The following ZNF43 variants were observed in gnomAD, a reference collection of about 807,000 sequenced individuals.
ZNF43 encodes zinc finger protein 39-like 1 (KOX 27).
ZNF43 carries 44 observed loss-of-function variants against 68.4 expected under a neutral mutation model. That is an observed-to-expected ratio of 0.64 (90% CI 0.51 to 0.83). The LOEUF (loss-of-function observed/expected upper bound fraction) is 0.83, where lower values mean the gene tolerates loss of function less well. Among genes scored for constraint, ZNF43 ranks in the 40% least tolerant of loss-of-function variants. The pLI is 0.00. For missense variants in ZNF43, 896 were observed against 933.2 expected (o/e 0.96, Z 0.52); for synonymous variants, 308 against 307.8 (o/e 1.00, Z -0.01).
chr19:21,836,216 C>A, upstream of ZNF43: 33 of 1,454,224 alleles, frequency 2.3e-5, no homozygotes, highest in Non-Finnish European at 3.0e-5. Flanking sequence ...GCCGCCCTGT[C>A]CTCTCCTGCC....
At chr19:21,812,293 A>AT (rs1293957734) in intron 3 of ZNF43, among the ~76,000 whole-genome samples, 1 of 151,930 alleles carries the variant, frequency 6.6e-6, no homozygotes, top group Non-Finnish European at 1.5e-5. Context: ...CGCCCGGCTA[A>AT]TTTTTTATAT....
Position 21,817,945 on chromosome 19 carries a change from G to T in ZNF43, c.172C>A (p.Gln58Lys). The change falls in exon 3 of 4, where the codon CAA (glutamine) becomes AAA (lysine). Residue 58 changes from glutamine (Q) to lysine (K), a missense_variant. Physicochemically the swap from Gln to Lys is moderately conservative, Grantham distance 53. Transcript: ENST00000354959. ...SKPDLITCLE[Q>K]EKEPWEPMRR... is the part of the protein sequence containing the mutation. ...ATAGGCTCCCAAGGCTCTTTTTCTT[G>T]CTCCAGACAGGTGATCAGGTCTGGC... 1 of 1,613,226 alleles carries T rather than the reference G, an allele frequency of 6.2e-7. No homozygotes were observed. Among genetic ancestry groups the T allele is most frequent in the South Asian group, 1.1e-5 (1 of 91,052 alleles).
At chr19:21,824,054 T>C (rs527592069) in intron 1 of ZNF43, among the ~76,000 whole-genome samples, 30 of 151,708 alleles carry the variant, frequency 2.0e-4, no homozygotes, top group Admixed American at 1.7e-3. Flanking sequence ...CCGGGCGTGG[T>C]GATGGGTGCC....
chr19:21,828,826 G>C (rs1432001299), intron 1 of ZNF43, among the ~76,000 whole-genome samples: 1 of 151,484 alleles, frequency 6.6e-6, no homozygotes, highest in Non-Finnish European at 1.5e-5. Flanking sequence ...GAGGTCAGGA[G>C]ATCGAGACCA....
intron 3 of ZNF43, among the ~76,000 whole-genome samples, chr19:21,810,147 A>T (rs982458681): frequency 6.6e-6 from 1 of 152,202 alleles, no homozygotes; most frequent in African/African-American, 2.4e-5. Flanking sequence ...ATTATTTTGC[A>T]TATAGCGGAA....
intron 1 of ZNF43, chr19:21,851,450 G>A (rs1439200577): frequency 8.0e-5 from 12 of 150,608 alleles, no homozygotes; most frequent in Admixed American, 4.7e-4. Flanking sequence ...GCTGAGGCAG[G>A]AGAATCGCTT....
chr19:21,835,967 G>C, intron 1 of ZNF43, 69 bp downstream of exon 1: 1 of 1,610,126 alleles, frequency 6.2e-7, no homozygotes, highest in Admixed American at 1.7e-5. Context: ...TTGTGGAGCT[G>C]ACTGCGGGAA....
rs548157900 is a variant in ZNF43, at chr19:21,822,601, C to T, written c.4-3380G>A. Among the ~76,000 whole-genome samples the T allele has an allele frequency of 3.4e-3, 510 of 151,892 alleles. 2 individuals carry two copies. The highest frequency in any genetic ancestry group is 0.012 in the African/African-American group (487 of 41,444). On this transcript the variant is annotated intron_variant, in intron 1 of 3. Coordinates refer to ENST00000354959, the MANE Select transcript of ZNF43 (RefSeq NM_003423.4). ...CGGGTGGATCACAAGGTCAGGAGAT[C>T]GAGACCATCCTGGCTAACACAGTGA... is the stretch of plus-strand genomic sequence containing the variant.
In ZNF43 at chr19:21,808,303, G is replaced by A. The variant is rs1466163776; in HGVS notation, c.1734C>T (p.Ser578=). Residue 578 remains serine (S), a synonymous_variant, in exon 4 of 4, where the codon TCC becomes TCT. Transcript: ENST00000354959. Reference sequence around the variant, plus strand: ...TTTTCTTATGTGTAGTAAGGTTTGAGGATTGGGTAAAAGCTTTGCCACATT... The same window carrying A: ...TTTTCTTATGTGTAGTAAGGTTTGAAGATTGGGTAAAAGCTTTGCCACATT... ...CEECGKAFTQ[S]SNLTTHKKIH... The A allele has an allele frequency of 2.5e-6, 4 of 1,613,018 alleles. No homozygotes were observed. Among genetic ancestry groups the A allele is most frequent in the East Asian group, 2.2e-5 (1 of 44,814 alleles).
intron 1 of ZNF43, among the ~76,000 whole-genome samples, chr19:21,824,358 C>T (rs576314996): frequency 1.3e-5 from 2 of 152,262 alleles, no homozygotes; most frequent in South Asian, 2.1e-4. Context: ...TGATCTCTCA[C>T]TCCTAAGATG....
chr19:21,819,352 A>G, intron 1 of ZNF43, 131 bp from the exon 2 acceptor site: 3 of 990,328 alleles, frequency 3.0e-6, no homozygotes, highest in Non-Finnish European at 4.2e-6. Flanking sequence ...AGAGACTGAA[A>G]TTATCCAATA....
At chr19:21,839,732 CATT>C (rs1406180817), upstream of ZNF43, 33 of 152,300 alleles carry the variant, frequency 2.2e-4, no homozygotes, top group African/African-American at 7.2e-4. Context: ...AAGAAAGTCA[CATT>C]ATATGGATGA....
At chr19:21,818,950 G>T in intron 2 of ZNF43, 145 bp downstream of exon 2, 1 of 1,127,212 alleles carries the variant, frequency 8.9e-7, no homozygotes, top group Non-Finnish European at 1.2e-6. Flanking sequence ...AAATTCTTTA[G>T]TGCGCCAACA....
chr19:21,815,509 T>TATATATATATATATATATATATATA (rs1568355560), intron 3 of ZNF43, among the ~76,000 whole-genome samples: 1 of 129,562 alleles, frequency 7.7e-6, no homozygotes, highest in African/African-American at 3.2e-5. Context: ...ATATATATAT[T>TATATATATATATATATATATATATA]TTGCAGAATA....
intron 1 of ZNF43, chr19:21,851,017 G>A (rs1294664375): frequency 1.3e-5 from 2 of 152,240 alleles, no homozygotes; most frequent in Non-Finnish European, 2.9e-5. Flanking sequence ...CCTCCTGTAT[G>A]TTGGGTCTGT....
At chr19:21,839,832 G>A (rs747061911), upstream of ZNF43, 2 of 152,206 alleles carry the variant, frequency 1.3e-5, no homozygotes, top group Non-Finnish European at 2.9e-5. Context: ...CAAACAATAT[G>A]TCACAATGCC....
intron 1 of ZNF43, among the ~76,000 whole-genome samples, chr19:21,831,685 C>A (rs113057057): frequency 6.6e-6 from 1 of 152,038 alleles, no homozygotes. Context: ...AACTGACAAA[C>A]AACTTCAGCA....
chr19:21,833,962 G>A (rs2038554007), intron 1 of ZNF43, among the ~76,000 whole-genome samples: 1 of 152,052 alleles, frequency 6.6e-6, no homozygotes, highest in Non-Finnish European at 1.5e-5. Context: ...AGGAGGCAGA[G>A]GTTGCAGTGA....
upstream of ZNF43, chr19:21,836,292 C>T: frequency 8.0e-7 from 1 of 1,254,328 alleles, no homozygotes; most frequent in African/African-American, 1.5e-5. Flanking sequence ...GTCCTGCCCC[C>T]GCAAACCCTG....
Sources: allele counts gnomAD v4.1 joint callset (sites outside exome capture counted in the v4.1 genomes callset), GRCh38; gene constraint gnomAD v4.1.1; transcripts MANE v1.5; gene names NCBI Gene and HGNC (gene_info 2026-07-23, HGNC 2026-07-21).